RIMBP2: variants seen among roughly 807,000 people sequenced by gnomAD.
RIMBP2 encodes the protein RIMS-binding protein 2.
Under a neutral mutation model 118.6 loss-of-function variants are expected in RIMBP2, and 48 were observed. The observed-to-expected ratio is 0.40, with a 90% CI of 0.32 to 0.51. RIMBP2 has a LOEUF of 0.51. Ranked by LOEUF, RIMBP2 falls within the 20% of genes least tolerant of loss-of-function variation. The pLI is 0.41. For missense variants in RIMBP2, 1,551 were observed against 1,768.3 expected, an observed-to-expected ratio of 0.88 and a Z score of 2.20; for synonymous variants, 762 against 742.9, an observed-to-expected ratio of 1.03 and a Z score of -0.42.
intron 5 of RIMBP2, chr12:130,471,707 C>A (rs1204524201): frequency 6.6e-6 from 1 of 152,544 alleles, no homozygotes; most frequent in Non-Finnish European, 1.5e-5. Context: ...TGAGCGCCAT[C>A]CCCCCAGATG....
At chr12:130,433,171 C>T (rs1254607726) in intron 14 of RIMBP2, among the ~76,000 whole-genome samples, 3 of 152,326 alleles carry the variant, frequency 2.0e-5, no homozygotes, top group South Asian at 2.1e-4. Flanking sequence ...TTCTGATAAG[C>T]GACTGTAGAC....
rs1450108263 is a variant in RIMBP2 at position 130,622,111 on chromosome 12, A to G, written c.-217+6211T>C. Among the ~76,000 whole-genome samples the G allele has an allele frequency of 9.9e-5, 15 of 152,246 alleles. No homozygotes were observed. The highest frequency in any genetic ancestry group is 9.8e-4 in the Admixed American group (15 of 15,288). On this transcript the variant is annotated intron_variant, in intron 2 of 22. Coordinates refer to ENST00000690449, the MANE Select transcript of RIMBP2 (RefSeq NM_001393629.1). This position sits in a 1 kb window ranked among gnomAD's most constrained non-coding sequence, Gnocchi z 8.5. ...TTTAACTAGACATTTCCGCACAAATAAAATTAGGCCGAGACAGTTAGTCTT... is the reference window on the plus strand; with the variant it reads ...TTTAACTAGACATTTCCGCACAAATGAAATTAGGCCGAGACAGTTAGTCTT...
At chr12:130,512,738 A>G (rs911702713) in intron 3 of RIMBP2, among the ~76,000 whole-genome samples, 1 of 152,182 alleles carries the variant, frequency 6.6e-6, no homozygotes, top group Non-Finnish European at 1.5e-5. Flanking sequence ...TGACTCAGAG[A>G]TTTTCACTAA....
intron 2 of RIMBP2, among the ~76,000 whole-genome samples, chr12:130,548,529 G>A (rs929669116): frequency 6.6e-6 from 1 of 152,080 alleles, no homozygotes; most frequent in African/African-American, 2.4e-5. Context: ...TTTCCCAGGA[G>A]ACATGCTCAT....
At chr12:130,559,602 G>T (rs4759725) in intron 2 of RIMBP2, among the ~76,000 whole-genome samples, 146,123 of 152,302 alleles carry the variant, frequency 0.96, 70,411 homozygotes, top group East Asian at 1. Flanking sequence ...TTGGCGATGG[G>T]GAACCTCATG....
chr12:130,515,079 T>C (rs1360535518), intron 3 of RIMBP2, among the ~76,000 whole-genome samples: 2 of 152,260 alleles, frequency 1.3e-5, no homozygotes, highest in Non-Finnish European at 2.9e-5. Flanking sequence ...GGTTTCACCG[T>C]GTTAGCCAGG....
At chr12:130,630,662 C>T (rs1247972172) in intron 1 of RIMBP2, among the ~76,000 whole-genome samples, 1 of 151,990 alleles carries the variant, frequency 6.6e-6, no homozygotes, top group Non-Finnish European at 1.5e-5. Flanking sequence ...AAAGAGAAGG[C>T]CCTAAATACT....
intron 2 of RIMBP2, among the ~76,000 whole-genome samples, chr12:130,604,601 T>TTTTTTTTTTA (rs2060069237): frequency 2.8e-5 from 2 of 71,656 alleles, no homozygotes; most frequent in African/African-American, 5.3e-5. Flanking sequence ...TTTTTTTTTT[T>TTTTTTTTTTA]GAGACAGAGT....
intron 1 of RIMBP2, among the ~76,000 whole-genome samples, chr12:130,706,558 C>T (rs373334469): frequency 3.3e-5 from 5 of 152,354 alleles, no homozygotes; most frequent in East Asian, 1.9e-4. Context: ...GGCAGGTCCG[C>T]GCTCCCCATG....
At chr12:130,709,023 T>G (rs886893707) in intron 1 of RIMBP2, among the ~76,000 whole-genome samples, 2 of 152,238 alleles carry the variant, frequency 1.3e-5, no homozygotes, top group African/African-American at 4.8e-5. Flanking sequence ...CAACAGGGCC[T>G]GCCGCAGAAG....
intron 4 of RIMBP2, among the ~76,000 whole-genome samples, chr12:130,489,479 C>T: frequency 6.6e-6 from 1 of 152,138 alleles, no homozygotes; most frequent in East Asian, 1.9e-4. Context: ...GGTGGTCAGT[C>T]AACAGGCAGC....
chr12:130,603,726 C>G (rs1305798083), intron 2 of RIMBP2, among the ~76,000 whole-genome samples: 1 of 152,174 alleles, frequency 6.6e-6, no homozygotes, highest in African/African-American at 2.4e-5. Flanking sequence ...GGTGACTTCA[C>G]AGCCAAGGTA....
At chr12:130,598,872 C>A (rs1020184219) in intron 2 of RIMBP2, among the ~76,000 whole-genome samples, 19 of 152,056 alleles carry the variant, frequency 1.2e-4, no homozygotes, top group African/African-American at 4.1e-4. Context: ...AATGTATTAG[C>A]AACTGATTGT....
At chr12:130,405,839 TAAGTA>T (rs2075122521) in intron 21 of RIMBP2, among the ~76,000 whole-genome samples, 1 of 152,238 alleles carries the variant, frequency 6.6e-6, no homozygotes, top group Non-Finnish European at 1.5e-5. Flanking sequence ...CCTATACAGT[TAAGTA>T]ATCTAGAAAC....
At chr12:130,712,247 T>C (rs1949973093) in intron 1 of RIMBP2, among the ~76,000 whole-genome samples, 1 of 152,218 alleles carries the variant, frequency 6.6e-6, no homozygotes, top group Non-Finnish European at 1.5e-5. Flanking sequence ...TGCCCTCAGC[T>C]TACTTCGTTG....
At chr12:130,428,559 T>G (rs976731620) in intron 14 of RIMBP2, 4 of 410,532 alleles carry the variant, frequency 9.7e-6, no homozygotes, top group Non-Finnish European at 1.7e-5. Context: ...AGCGCAGGTC[T>G]CTCAGCTCCA....
At chr12:130,461,489 C>T (rs2079989343) in intron 6 of RIMBP2, among the ~76,000 whole-genome samples, 1 of 152,106 alleles carries the variant, frequency 6.6e-6, no homozygotes, top group Admixed American at 6.5e-5. Context: ...AGCAGCAGGG[C>T]ATTGTCCCCT....
chr12:130,559,144 A>G (rs964598840), intron 2 of RIMBP2, among the ~76,000 whole-genome samples: 4 of 151,824 alleles, frequency 2.6e-5, no homozygotes, highest in Non-Finnish European at 4.4e-5. Context: ...TAATGTGTCA[A>G]TCTCCTTATT....
chr12:130,460,906 A>G (rs1356261271), intron 6 of RIMBP2, among the ~76,000 whole-genome samples: 1 of 152,132 alleles, frequency 6.6e-6, no homozygotes, highest in African/African-American at 2.4e-5. Flanking sequence ...GGCTCACTGC[A>G]CAGGAGATTC....
Sources: gnomAD v4.1 joint callset for allele counts (sites outside exome capture counted in the v4.1 genomes callset) on GRCh38, gnomAD v4.1.1 for gene constraint, Gnocchi (gnomAD v3.1) non-coding constraint, MANE v1.5 for transcripts, NCBI Gene and HGNC (gene_info 2026-07-23, HGNC 2026-07-21) for gene names.